Variants in MAN2B2 observed in about 807,000 individuals in gnomAD.
The protein encoded by MAN2B2 is epididymis-specific alpha-mannosidase.
MAN2B2 carries 106 observed loss-of-function variants against 117.1 expected under a neutral mutation model. That is an observed-to-expected ratio of 0.90 (90% confidence interval 0.77 to 1.06). The LOEUF is 1.06. Among genes scored for constraint, MAN2B2 ranks in the 50% least tolerant of loss-of-function variants. MAN2B2 has a pLI of 0.00. For missense variants in MAN2B2, 1,326 were observed against 1,381.4 expected, an observed-to-expected ratio of 0.96 and a Z score of 0.64; for synonymous variants, 544 against 595.1, an observed-to-expected ratio of 0.91 and a Z score of 1.25.
At chr4:6,609,584 G>T in intron 12 of MAN2B2, 1 of 647,712 alleles carries the variant, frequency 1.5e-6, no homozygotes, top group South Asian at 1.9e-5. Flanking sequence ...CGTAAGGCAG[G>T]CCCGGCATGG....
rs926993166 is a variant in MAN2B2, at chr4:6,609,998, A to G, written c.2207A>G (p.Tyr736Cys). The G allele has an allele frequency of 3.1e-6, 5 of 1,614,052 alleles. No homozygotes were observed. In the Admixed American group the frequency reaches 5.0e-5, roughly 16 times the overall value. The stretch of plus-strand genomic sequence containing the variant: ...GTCATCTACTCAGACAACAACGGCT[A>G]CCAGATGCAGCGGAGGCCCTACGTT... ...QQVIYSDNNG[Y>C]QMQRRPYVSY... Residue 736 changes from tyrosine (Y) to cysteine (C), a missense_variant, in exon 13 of 19, where the codon TAC (tyrosine) becomes TGC (cysteine). By Grantham distance (194) the Tyr-to-Cys change is radical (BLOSUM62 -2). Coordinates refer to ENST00000285599, the MANE Select transcript of MAN2B2 (RefSeq NM_015274.3).
chr4:6,575,453 G>C, intron 1 of MAN2B2, 105 bp downstream of exon 1: 1 of 866,104 alleles, frequency 1.2e-6, no homozygotes, highest in East Asian at 3.2e-5. Context: ...GGCGCAGAAG[G>C]AGGCTCAGTG....
At chr4:6,589,555 T>A (rs1162423866) in intron 5 of MAN2B2, among the ~76,000 whole-genome samples, 1 of 152,160 alleles carries the variant, frequency 6.6e-6, no homozygotes, top group Non-Finnish European at 1.5e-5. Flanking sequence ...TCTGCAGTTT[T>A]TGACAAGAGC....
intron 6 of MAN2B2, 113 bp downstream of exon 6, chr4:6,593,463 C>CA: frequency 1.9e-6 from 2 of 1,065,022 alleles, no homozygotes; most frequent in Non-Finnish European, 2.6e-6. Context: ...CAGCCATGCT[C>CA]AGCCCAGTGG....
rs975849287 is a variant in MAN2B2 at position 6,623,213 on chromosome 4, G to C, written c.*1928G>C. The C allele has an allele frequency of 4.6e-5, 7 of 151,710 alleles. No individual in the cohort carries two copies. The highest frequency in any genetic ancestry group is 1.7e-4 in the African/African-American group (7 of 40,874). 9.4% of individuals were successfully genotyped at this position (151,710 alleles called of 1,614,324 possible). On this transcript the variant is annotated 3_prime_UTR_variant, in exon 19 of 19. Coordinates refer to ENST00000285599, the MANE Select transcript of MAN2B2 (RefSeq NM_015274.3). ...CTACTAAAAATACAAAGTTAACCGG[G>C]TGTGGTGGTGTGCGCCTGTAGTCCC...
At chr4:6,575,370 C>G (rs1404702226) in intron 1 of MAN2B2, 22 bp downstream of exon 1, 5 of 1,480,778 alleles carry the variant, frequency 3.4e-6, no homozygotes, top group Non-Finnish European at 4.5e-6. Context: ...CCACGCCCCG[C>G]GCGCCCCTGA....
chr4:6,604,438 G>C (rs926230767), intron 10 of MAN2B2, among the ~76,000 whole-genome samples: 6 of 151,450 alleles, frequency 4.0e-5, no homozygotes, highest in Non-Finnish European at 7.4e-5. Context: ...GGGCCTTGGT[G>C]GTGGGTGGGA....
chr4:6,614,256 G>A lies in MAN2B2; in HGVS notation c.2602G>A (p.Ala868Thr), dbSNP rs200641954. ...GCTCCCAGGACCCCAGCAGCAAGAG[G>A]CCGTGACGCTGCCCCCGAATCTTCA... ...PKLPGPQQQE[A>T]VTLPPNLHLQ... The change falls in exon 16 of 19, where the codon GCC becomes ACC. Residue 868 changes from alanine to threonine, a missense_variant. By Grantham distance (58) the Ala-to-Thr change is moderately conservative (BLOSUM62 0). Transcript: ENST00000285599. 1.7e-4 allele frequency: 276 copies of A among 1,613,978 alleles called. No homozygotes were observed. Among genetic ancestry groups the A allele is most frequent in the Admixed American group, 2.2e-4 (13 of 59,994 alleles).
rs180845149 is a variant in MAN2B2, at chr4:6,580,631, A to T, written c.391+2133A>T. Among the ~76,000 whole-genome samples, 622 of 152,262 alleles carry T rather than the reference A, an allele frequency of 4.1e-3. 5 individuals are homozygous for T. The highest frequency in any genetic ancestry group is 0.014 in the African/African-American group (582 of 41,540). ...AAGCCCCTCCCGCAGGAAATCTCTGAGTCTCTGCAGTTCTGTGTCACCTCC... is the reference window on the plus strand; with the variant it reads ...AAGCCCCTCCCGCAGGAAATCTCTGTGTCTCTGCAGTTCTGTGTCACCTCC... On this transcript the variant is annotated intron_variant, in intron 3 of 18. Coordinates refer to ENST00000285599, the MANE Select transcript of MAN2B2 (RefSeq NM_015274.3).
intron 5 of MAN2B2, among the ~76,000 whole-genome samples, chr4:6,592,295 A>G (rs934904234): frequency 1.3e-5 from 2 of 152,048 alleles, no homozygotes; most frequent in Admixed American, 6.5e-5. Flanking sequence ...CCTCACAACA[A>G]CCTGCTCCAC....
rs748366884 is a variant in MAN2B2 at position 6,611,139 on chromosome 4, C to T, written c.2424C>T (p.Asn808=). The T allele has an allele frequency of 2.5e-6, 4 of 1,613,794 alleles. No homozygotes were observed. The highest frequency in any genetic ancestry group is 3.4e-6 in the Non-Finnish European group (4 of 1,179,994). Reference sequence around the variant, plus strand: ...ACTTCGACTGGGACCTGGGCTACAACCTCACGCTGAACGACACCTCAGTCG... The same window carrying T: ...ACTTCGACTGGGACCTGGGCTACAATCTCACGCTGAACGACACCTCAGTCG... ...WNNFDWDLGY[N]LTLNDTSVVH... The change falls in exon 15 of 19, where the codon AAC becomes AAT. Residue 808 remains asparagine, a synonymous_variant. Transcript: ENST00000285599.
rs754576827 is a variant in MAN2B2, at chr4:6,610,916, G to T, written c.2296G>T (p.Asp766Tyr). 2 of 1,614,108 alleles carry T rather than the reference G, an allele frequency of 1.2e-6. No individual in the cohort carries two copies. The highest frequency in any genetic ancestry group is 1.3e-5 in the African/African-American group (1 of 74,936). Residue 766 changes from aspartate (D) to tyrosine (Y), a missense_variant, in exon 14 of 19, where the codon GAT (aspartate) becomes TAT (tyrosine). Transcript: ENST00000285599. ...YPMVQSAFME[D>Y]GKSRLVLLSE... The stretch of plus-strand genomic sequence containing the variant: ...CATGGTTCAGTCGGCCTTCATGGAG[G>T]ATGGCAAAAGCAGGCTTGTGTTGCT...
chr4:6,583,777 T>A (rs1464059222), intron 3 of MAN2B2, among the ~76,000 whole-genome samples: 3 of 152,260 alleles, frequency 2.0e-5, no homozygotes, highest in Non-Finnish European at 4.4e-5. Flanking sequence ...GGTCAAGTGC[T>A]GTATTGATCC....
In MAN2B2 at chr4:6,623,351, A is replaced by C. The variant is rs4594798; in HGVS notation, c.*2066A>C. The stretch of plus-strand genomic sequence containing the variant: ...ACAAGAGTGAGACTCCGTCTCAAAA[A>C]AAAAAAAAAAAGGAAGACTACGGAG... On this transcript the variant is annotated 3_prime_UTR_variant, in exon 19 of 19. Transcript: ENST00000285599. 8.4e-4 allele frequency: 44 copies of C among 52,614 alleles called. 1 individual carries two copies. Among genetic ancestry groups the C allele is most frequent in the East Asian group, 5.5e-3 (8 of 1,458 alleles). The allele number at this position is 52,614 out of a possible 1,614,324, so 3.3% of individuals were successfully genotyped here.
intron 5 of MAN2B2, among the ~76,000 whole-genome samples, chr4:6,590,077 A>G (rs1169801192): frequency 6.9e-6 from 1 of 144,656 alleles, no homozygotes; most frequent in African/African-American, 2.5e-5. Flanking sequence ...TATTTAAAAT[A>G]AAAAAAAAAA....
In MAN2B2 at chr4:6,600,614, T is replaced by C; in HGVS notation, c.1406-9T>C. The C allele has an allele frequency of 3.7e-6, 6 of 1,613,484 alleles. No individual in the cohort carries two copies. In the East Asian group the frequency reaches 6.7e-5, roughly 18 times the overall value. ...CATGGCACAAGCAAAGCCTCTTCTC[T>C]GTGTGCAGATGCAGGACCTGCAGGA... On this transcript the variant is annotated splice_polypyrimidine_tract_variant and intron_variant, in intron 9 of 18. Coordinates refer to ENST00000285599, the MANE Select transcript of MAN2B2 (RefSeq NM_015274.3).
intron 15 of MAN2B2, among the ~76,000 whole-genome samples, chr4:6,611,980 A>G (rs1039335565): frequency 4.6e-5 from 7 of 152,238 alleles, no homozygotes; most frequent in East Asian, 3.8e-4. Context: ...ACATTAAACA[A>G]TGATTACATT....
intron 3 of MAN2B2, among the ~76,000 whole-genome samples, chr4:6,583,598 A>T: frequency 6.6e-6 from 1 of 152,240 alleles, no homozygotes; most frequent in East Asian, 1.9e-4. Context: ...ACGGGTCTGC[A>T]GCAACCCCAG....
chr4:6,604,392 GGGAA>G (rs1727448964), intron 10 of MAN2B2, among the ~76,000 whole-genome samples: 1 of 151,804 alleles, frequency 6.6e-6, no homozygotes, highest in African/African-American at 2.4e-5. Flanking sequence ...AGAGGCCACA[GGGAA>G]GGGAGATGAA....
Sources: allele counts gnomAD v4.1 joint callset (sites outside exome capture counted in the v4.1 genomes callset), GRCh38; gene constraint gnomAD v4.1.1; transcripts MANE v1.5; gene names NCBI Gene and HGNC (gene_info 2026-07-23, HGNC 2026-07-21).